Variants in GALC observed in about 807,000 individuals in gnomAD.
The protein encoded by GALC is galactosylceramidase, also known as galactocerebrosidase.
A neutral mutation model predicts 91.8 loss-of-function variants in GALC; 77 were observed. The ratio of observed to expected loss-of-function variants is 0.84; its 90% CI spans 0.70 to 1.01. The LOEUF (loss-of-function observed/expected upper bound fraction) is 1.01. Ranked by LOEUF, GALC falls within the 50% of genes least tolerant of loss-of-function variation. The pLI, the probability that GALC is intolerant of heterozygous loss-of-function variation, is 0.00. For missense variants in GALC, 882 were observed against 855.9 expected (o/e 1.03, Z -0.38); for synonymous variants, 357 against 306.7 (o/e 1.16, Z -1.71).
At chr14:87,949,555 GGAGT>G (rs1885218569) in intron 12 of GALC, among the ~76,000 whole-genome samples, 2 of 151,934 alleles carry the variant, frequency 1.3e-5, no homozygotes, top group African/African-American at 4.8e-5. Flanking sequence ...TGGAGAATAA[GGAGT>G]GAGTAAGAGA....
At chr14:87,962,578 TACACACACACACACACACACACACACAC>T (rs36205603) in intron 10 of GALC, among the ~76,000 whole-genome samples, 2 of 146,438 alleles carry the variant, frequency 1.4e-5, no homozygotes, top group Non-Finnish European at 3.0e-5. Context: ...CCTGATATGA[TACACACACACACACACACACACACACAC>T]ACACACACAC....
At chr14:87,947,045 G>C (rs1885101100) in intron 13 of GALC, among the ~76,000 whole-genome samples, 1 of 151,950 alleles carries the variant, frequency 6.6e-6, no homozygotes, top group Admixed American at 6.6e-5. Flanking sequence ...CTCTCCTGCT[G>C]CTACAGATTT....
Position 87,988,516 on chromosome 14 carries a change from G to A in GALC, c.203C>T (p.Ser68Phe), listed in dbSNP as rs1555383892. 1 of 1,610,560 alleles carries A rather than the reference G, an allele frequency of 6.2e-7. No homozygotes were observed. The highest frequency in any genetic ancestry group is 8.5e-7 in the Non-Finnish European group (1 of 1,176,890). ...CTCTGGGTAATTTACTAGAAGTCGG[G>A]AGGTTGCCTAAAAAAAAAAGTTTTC... Reference protein sequence around the residue: ...IGAVSGGGATSRLLVNYPEPY... With the variant: ...IGAVSGGGATFRLLVNYPEPY... Residue 68 changes from serine (S) to phenylalanine (F), a missense_variant, in exon 2 of 17, where the codon TCC (serine) becomes TTC (phenylalanine). Coordinates refer to ENST00000261304, the MANE Select transcript of GALC (RefSeq NM_000153.4).
Position 87,950,738 on chromosome 14 carries a change from T to C in GALC, c.1172A>G (p.His391Arg), listed in dbSNP as rs1395397636. ...AAGAAATGGCCGTATGCACTTAGAA[T>C]GTTTATGACTCTGAAAAAAAAAAAT... ...TIIIETMSHK[H>R]SKCIRPFLPY... Residue 391 changes from histidine to arginine, a missense_variant, in exon 11 of 17, where the codon CAT (histidine) becomes CGT (arginine). Coordinates refer to ENST00000261304, the MANE Select transcript of GALC (RefSeq NM_000153.4). 3.3e-6 allele frequency: 5 copies of C among 1,532,418 alleles called. No homozygotes were observed. Among genetic ancestry groups the C allele is most frequent in the Non-Finnish European group, 4.4e-6 (5 of 1,142,210 alleles). 94.9% of individuals were successfully genotyped at this position (1,532,418 alleles called of 1,614,324 possible).
At chr14:87,963,051 G>A (rs922533391) in intron 10 of GALC, among the ~76,000 whole-genome samples, 3 of 152,104 alleles carry the variant, frequency 2.0e-5, no homozygotes, top group African/African-American at 7.2e-5. Context: ...GGATGAAAAA[G>A]GAAAAAGCCA....
chr14:87,935,832 C>A (rs939028833), intron 16 of GALC, among the ~76,000 whole-genome samples: 2 of 152,004 alleles, frequency 1.3e-5, no homozygotes, highest in Non-Finnish European at 2.9e-5. Context: ...TGCGTGGAAA[C>A]ACTGAGGCTT....
At chr14:87,970,563 G>C (rs560984327) in intron 7 of GALC, among the ~76,000 whole-genome samples, 6 of 152,002 alleles carry the variant, frequency 3.9e-5, no homozygotes, top group African/African-American at 9.7e-5. Context: ...TTAATGTATA[G>C]ATTTATTACT....
chr14:87,939,886 T>G lies in GALC; in HGVS notation c.1911+19A>C, dbSNP rs1436395540. The G allele has an allele frequency of 1.9e-6, 3 of 1,544,710 alleles. No homozygotes were observed. The South Asian group carries it at 3.3e-5, about 17-fold the overall frequency. On this transcript the variant is annotated intron_variant, in intron 16 of 16. Coordinates refer to ENST00000261304, the MANE Select transcript of GALC (RefSeq NM_000153.4). ...ACAAAAGAGCATTTTACCTCCAGAC[T>G]CCAATCAGCAATACTTACCTTAATA...
intron 6 of GALC, chr14:87,976,763 C>T (rs534872626): frequency 5.6e-5 from 21 of 375,336 alleles, no homozygotes; most frequent in South Asian, 2.2e-4. Flanking sequence ...TACAGGCACG[C>T]GCCACCACGC....
Position 87,993,088 on chromosome 14 carries a change from C to T in GALC, c.77G>A (p.Arg26His), listed in dbSNP as rs1185056562. Reference sequence around the variant, plus strand: ...ACACAGCAGCAAGGGCACCGCGGCGCGGCCCGCCGAACCCGCGGCCGCAGT... The same window carrying T: ...ACACAGCAGCAAGGGCACCGCGGCGTGGCCCGCCGAACCCGCGGCCGCAGT... ...AMTAAAGSAG[R>H]AAVPLLLCAL... Residue 26 changes from arginine to histidine, a missense_variant, in exon 1 of 17, where the codon CGC (arginine) becomes CAC (histidine). Physicochemically the swap from Arg to His is conservative, Grantham distance 29. Coordinates refer to ENST00000261304, the MANE Select transcript of GALC (RefSeq NM_000153.4). The T allele has an allele frequency of 1.9e-6, 3 of 1,579,854 alleles. No homozygotes were observed. The highest frequency in any genetic ancestry group is 1.3e-5 in the African/African-American group (1 of 74,516).
chr14:87,956,046 C>T (rs544149796), intron 10 of GALC, among the ~76,000 whole-genome samples: 8 of 152,058 alleles, frequency 5.3e-5, no homozygotes, highest in African/African-American at 1.9e-4. Context: ...CAAACCACCC[C>T]TGAAAATGAG....
chr14:87,947,118 C>A (rs1885104610), intron 13 of GALC, among the ~76,000 whole-genome samples: 1 of 152,022 alleles, frequency 6.6e-6, no homozygotes, highest in South Asian at 2.1e-4. Flanking sequence ...CAGAACACCA[C>A]CAAGCAGTCA....
At chr14:87,956,585 C>CAT (rs147592843) in intron 10 of GALC, among the ~76,000 whole-genome samples, 43,862 of 136,946 alleles carry the variant, frequency 0.32, 6,805 homozygotes, top group East Asian at 0.58. Context: ...ACACACACAC[C>CAT]ATATATATAC....
intron 10 of GALC, chr14:87,954,033 C>T: frequency 1.2e-6 from 2 of 1,609,742 alleles, no homozygotes; most frequent in Non-Finnish European, 1.7e-6. Context: ...TCATGAGGAC[C>T]AATGGGTTGG....
chr14:87,935,794 T>A (rs983240726), intron 16 of GALC, among the ~76,000 whole-genome samples: 1 of 152,042 alleles, frequency 6.6e-6, no homozygotes, highest in African/African-American at 2.4e-5. Context: ...TATAACGTAA[T>A]GGGCCTTAAT....
At chr14:87,975,654 C>T (rs1886463761) in intron 7 of GALC, among the ~76,000 whole-genome samples, 1 of 151,820 alleles carries the variant, frequency 6.6e-6, no homozygotes, top group Admixed American at 6.6e-5. Flanking sequence ...TATTATTCTG[C>T]CTATTTTTGT....
At chr14:87,944,374 T>C (rs1884981208) in intron 14 of GALC, among the ~76,000 whole-genome samples, 1 of 151,898 alleles carries the variant, frequency 6.6e-6, no homozygotes, top group Non-Finnish European at 1.5e-5. Context: ...ATACGGCGAC[T>C]TCAAAACTGG....
chr14:87,955,340 T>C (rs574052916), intron 10 of GALC: 4 of 588,670 alleles, frequency 6.8e-6, no homozygotes, highest in Non-Finnish European at 1.2e-5. Flanking sequence ...AATTAAAACT[T>C]TTTTCTAAGA....
In GALC at chr14:87,934,609, C is replaced by T; in HGVS notation, c.*123G>A. The T allele has an allele frequency of 6.4e-7, 1 of 1,564,962 alleles. No homozygotes were observed. Among genetic ancestry groups the T allele is most frequent in the South Asian group, 1.2e-5 (1 of 85,094 alleles). ...AAAAATAAATTTCTCTCCCCTTTTA[C>T]TCTTCATTATTTTTAGTCTCAAAAG... On this transcript the variant is annotated 3_prime_UTR_variant, in exon 17 of 17. Coordinates refer to ENST00000261304, the MANE Select transcript of GALC (RefSeq NM_000153.4).
Sources: gnomAD v4.1 joint callset for allele counts (sites outside exome capture counted in the v4.1 genomes callset) on GRCh38, gnomAD v4.1.1 for gene constraint, MANE v1.5 for transcripts, NCBI Gene and HGNC (gene_info 2026-07-23, HGNC 2026-07-21) for gene names.